The following KCNC3 variants were observed in gnomAD, a reference collection of about 807,000 sequenced individuals.
KCNC3 encodes potassium voltage-gated channel subfamily C member 3.
In KCNC3, 22 loss-of-function variants were observed where a neutral mutation model predicts 43.9. The observed-to-expected ratio is 0.50, with a 90% CI of 0.36 to 0.72. KCNC3 has a LOEUF of 0.72. Ranked by LOEUF, KCNC3 falls within the 30% of genes least tolerant of loss-of-function variation. KCNC3 has a pLI of 0.00. For missense variants in KCNC3, 829 were observed against 1,073.8 expected (o/e 0.77, Z 3.19); for synonymous variants, 492 against 488.0 (o/e 1.01, Z -0.11).
intron 2 of KCNC3, among the ~76,000 whole-genome samples, chr19:50,321,707 T>C (rs1287304508): frequency 6.7e-6 from 1 of 150,252 alleles, no homozygotes; most frequent in Non-Finnish European, 1.5e-5. Context: ...GAGGCGGAGG[T>C]TGCAGTGAGC....
intron 1 of KCNC3, among the ~76,000 whole-genome samples, chr19:50,326,796 A>T (rs1290253266): frequency 6.6e-6 from 1 of 151,918 alleles, no homozygotes; most frequent in African/African-American, 2.4e-5. Context: ...TGCTTGAGGA[A>T]AGTTTTCTGG....
At chr19:50,317,542 TAAGATA>T (rs941164763) in intron 4 of KCNC3, among the ~76,000 whole-genome samples, 32 of 152,082 alleles carry the variant, frequency 2.1e-4, no homozygotes, top group African/African-American at 7.7e-4. Context: ...CCTTCACGTT[TAAGATA>T]AAGTCCCGCC....
chr19:50,316,758 G>A (rs913203365), intron 4 of KCNC3, among the ~76,000 whole-genome samples: 3 of 151,782 alleles, frequency 2.0e-5, no homozygotes, highest in African/African-American at 7.3e-5. Context: ...GAAAGGGTTG[G>A]GAAGGGAAGG....
chr19:50,319,917 A>T lies in KCNC3; in HGVS notation c.*23+306T>A, dbSNP rs372974591. Among the ~76,000 whole-genome samples, 112 of 151,432 alleles carry T rather than the reference A, an allele frequency of 7.4e-4. 1 individual carries two copies. The South Asian group carries it at 0.023, about 31-fold the overall frequency. On this transcript the variant is annotated intron_variant, in intron 4 of 4. Coordinates refer to ENST00000477616, the MANE Select transcript of KCNC3 (RefSeq NM_004977.3). ...CTCCGTTTTCCTGATTGAATTTTTAAAAAAAACCCTAGGACCAAGGAGGGA... is the reference window on the plus strand; with the variant it reads ...CTCCGTTTTCCTGATTGAATTTTTATAAAAAACCCTAGGACCAAGGAGGGA...
At chr19:50,322,901 GA>G in intron 2 of KCNC3, 73 bp downstream of exon 2, 1 of 1,474,320 alleles carries the variant, frequency 6.8e-7, no homozygotes, top group South Asian at 1.3e-5. Flanking sequence ...CAGGTTCTCT[GA>G]ACCCCGGCAG....
At chr19:50,331,797 G>A (rs1046306661), upstream of KCNC3, among the ~76,000 whole-genome samples, 6 of 151,914 alleles carry the variant, frequency 3.9e-5, no homozygotes, top group Middle Eastern at 3.4e-3. Flanking sequence ...ACCTTCTTCT[G>A]GGTCTCTCTC....
chr19:50,321,340 C>T (rs373150865), intron 2 of KCNC3, among the ~76,000 whole-genome samples: 3 of 152,190 alleles, frequency 2.0e-5, no homozygotes, highest in East Asian at 1.9e-4. Context: ...TAGTAGTACA[C>T]GCCTATAGTC....
chr19:50,322,775 C>T (rs1198323808), intron 2 of KCNC3, among the ~76,000 whole-genome samples, 200 bp downstream of exon 2: 3 of 152,144 alleles, frequency 2.0e-5, no homozygotes, highest in Admixed American at 1.3e-4. Flanking sequence ...ATCTGTTTCT[C>T]CCCAAAACTC....
intron 4 of KCNC3, among the ~76,000 whole-genome samples, chr19:50,319,756 T>A (rs1032332170): frequency 1.3e-5 from 2 of 152,116 alleles, no homozygotes; most frequent in Non-Finnish European, 2.9e-5. Context: ...TGGTTTTTGT[T>A]CACGGTTGAA....
chr19:50,332,990 ATG>A (rs1342183130), upstream of KCNC3, among the ~76,000 whole-genome samples: 2 of 152,050 alleles, frequency 1.3e-5, no homozygotes, highest in Non-Finnish European at 2.9e-5. This position sits in a 1 kb window ranked among gnomAD's most constrained non-coding sequence, Gnocchi z 5.8. Context: ...AAAGGTGAAA[ATG>A]TGAGGACTCT....
intron 1 of KCNC3, among the ~76,000 whole-genome samples, chr19:50,325,440 C>G (rs952831719): frequency 2.0e-5 from 3 of 151,842 alleles, no homozygotes; most frequent in Non-Finnish European, 2.9e-5. Flanking sequence ...CCTCTGTGCA[C>G]CCCCCTTCCT....
At chr19:50,331,967 C>T (rs767600525), upstream of KCNC3, among the ~76,000 whole-genome samples, 1 of 152,128 alleles carries the variant, frequency 6.6e-6, no homozygotes, top group Non-Finnish European at 1.5e-5. Flanking sequence ...TCCTGCAGCC[C>T]AGGAAGGTCG....
rs2037132784 is a variant in KCNC3, at chr19:50,328,361, T to A, written c.722A>T (p.Glu241Val). The change falls in exon 1 of 5, where the codon GAG becomes GTG. Residue 241 changes from glutamate to valine, a missense_variant. Physicochemically the swap from Glu to Val is moderately radical, Grantham distance 121. Around this residue, in one of 7 missense-constraint regions of KCNC3, gnomAD observed 60 missense variants for 56.0 expected, o/e 1.07. Transcript: ENST00000477616. ...GGGGLDGAGG[E>V]LKRLCFQDAG... ...GTCCTGGAAGCAGAGGCGCTTGAGC[T>A]CGCCGCCCGCTCCGTCCAGGCCGCC... 8.4e-7 allele frequency: 1 copy of A among 1,186,844 alleles called. No individual in the cohort carries two copies. The allele number at this position is 1,186,844 out of a possible 1,614,324, so 73.5% of individuals were successfully genotyped here.
chr19:50,326,610 G>T (rs1221525548), intron 1 of KCNC3, among the ~76,000 whole-genome samples: 1 of 152,150 alleles, frequency 6.6e-6, no homozygotes, highest in East Asian at 1.9e-4. Context: ...GCCCAGGAGG[G>T]GGTCTTGGGA....
In KCNC3 at chr19:50,314,875, C is replaced by T. The variant is rs1265048692; in HGVS notation, c.*1240G>A. 7.7e-6 allele frequency: 2 copies of T among 259,518 alleles called. No individual in the cohort carries two copies. The highest frequency in any genetic ancestry group is 6.2e-5 in the South Asian group (2 of 32,316). The allele number at this position is 259,518 out of a possible 1,614,324, so 16.1% of individuals were successfully genotyped here. Reference sequence around the variant, plus strand: ...AGCGCTAAAGGATGGAGGGCAGGGTCGGGGGAGCGCGGCGGGCGGCCCGGG... The same window carrying T: ...AGCGCTAAAGGATGGAGGGCAGGGTTGGGGGAGCGCGGCGGGCGGCCCGGG... On this transcript the variant is annotated 3_prime_UTR_variant, in exon 5 of 5. Transcript: ENST00000477616.
chr19:50,328,606 T>C lies in KCNC3; in HGVS notation c.477A>G (p.Pro159=). ...CAAACAGGGGCCCGCACACGTCGGC[T>C]GGGCAGTGCAGCTTGCCGGTGCGGT... The part of the protein sequence containing the change: ...NYYRTGKLHC[P]ADVCGPLFEE... The change falls in exon 1 of 5, where the codon CCA becomes CCG. Residue 159 remains proline (P), a synonymous_variant. Transcript: ENST00000477616. 3 of 1,611,380 alleles carry C rather than the reference T, an allele frequency of 1.9e-6. No homozygotes were observed. Among genetic ancestry groups the C allele is most frequent in the Non-Finnish European group, 2.5e-6 (3 of 1,179,488 alleles).
intron 4 of KCNC3, among the ~76,000 whole-genome samples, chr19:50,319,518 G>A (rs56009339): frequency 0.019 from 2,847 of 152,222 alleles, 105 homozygotes; most frequent in African/African-American, 0.065. Context: ...CCCTTCAACC[G>A]TTCCTGTCGA....
chr19:50,333,112 C>T (rs948342002), upstream of KCNC3, among the ~76,000 whole-genome samples: 2 of 152,184 alleles, frequency 1.3e-5, no homozygotes, highest in African/African-American at 2.4e-5. Context: ...ATCCCAAGTC[C>T]CCCGTCTCCA....
chr19:50,313,657 G>A lies in KCNC3; in HGVS notation c.*2458C>T, dbSNP rs1390972990. On this transcript the variant is annotated 3_prime_UTR_variant, in exon 5 of 5. Coordinates refer to ENST00000477616, the MANE Select transcript of KCNC3 (RefSeq NM_004977.3). ...CTATCTTGGAAGTTCTAGCATCAAG[G>A]GAACCTGGGCTGGACAAGTCTGTTA... 1.3e-5 allele frequency: 2 copies of A among 152,240 alleles called. No individual in the cohort carries two copies. The highest frequency in any genetic ancestry group is 2.9e-5 in the Non-Finnish European group (2 of 68,068). The allele number at this position is 152,240 out of a possible 1,614,324, so 9.4% of individuals were successfully genotyped here. A position where few individuals can be genotyped will look rare whatever the true frequency, so the allele number is the denominator to read the frequency against.
Sources: gnomAD v4.1 joint callset for allele counts (sites outside exome capture counted in the v4.1 genomes callset) on GRCh38, gnomAD v4.1.1 for gene constraint, gnomAD v4.1.1 regional missense constraint, Gnocchi (gnomAD v3.1) non-coding constraint, MANE v1.5 for transcripts, NCBI Gene and HGNC (gene_info 2026-07-23, HGNC 2026-07-21) for gene names.